CDYL2: variants seen among roughly 807,000 people sequenced by gnomAD.
CDYL2 encodes chromodomain Y like 2, also known as chromodomain Y-like protein 2.
Under a neutral mutation model 49.4 loss-of-function variants are expected in CDYL2, and 23 were observed. That is an observed-to-expected ratio of 0.47 (90% CI 0.34 to 0.66). The LOEUF is 0.66. Ranked by LOEUF, CDYL2 falls within the 30% of genes least tolerant of loss-of-function variation. The probability of loss-of-function intolerance (pLI) is 0.01; values close to 1 mark genes in which losing one functional copy is unlikely to be tolerated. For synonymous variants in CDYL2, 360 were observed against 268.8 expected (o/e 1.34, Z -3.32); for missense variants, 678 against 656.4 (o/e 1.03, Z -0.36).
intron 1 of CDYL2, among the ~76,000 whole-genome samples, chr16:80,692,398 C>A (rs1219570463): frequency 6.6e-6 from 1 of 152,118 alleles, no homozygotes; most frequent in East Asian, 1.9e-4. Context: ...CCAAGTGGTC[C>A]TTCAGATGAG....
chr16:80,684,238 G>A (rs1261948981), intron 2 of CDYL2, among the ~76,000 whole-genome samples: 2 of 152,202 alleles, frequency 1.3e-5, no homozygotes, highest in African/African-American at 4.8e-5. Flanking sequence ...AGGGAAGTGG[G>A]TCTAGAGGGG....
At chr16:80,802,257 C>T (rs138159171) in intron 1 of CDYL2, among the ~76,000 whole-genome samples, 1 of 152,176 alleles carries the variant, frequency 6.6e-6, no homozygotes, top group Admixed American at 6.5e-5. Flanking sequence ...CCTCTTAACA[C>T]CTTCAAGACA....
At chr16:80,657,610 G>A (rs1908865134) in intron 2 of CDYL2, among the ~76,000 whole-genome samples, 3 of 152,032 alleles carry the variant, frequency 2.0e-5, no homozygotes, top group African/African-American at 4.8e-5. Flanking sequence ...CATTTCTCAT[G>A]CATCTTATGC....
At chr16:80,798,197 T>C (rs1181883250) in intron 1 of CDYL2, among the ~76,000 whole-genome samples, 1 of 152,158 alleles carries the variant, frequency 6.6e-6, no homozygotes, top group Non-Finnish European at 1.5e-5. Context: ...CATACCATCA[T>C]GCCCAATAAT....
intron 1 of CDYL2, among the ~76,000 whole-genome samples, chr16:80,777,050 A>G (rs373269542): frequency 1.3e-5 from 2 of 151,960 alleles, no homozygotes; most frequent in South Asian, 2.1e-4. Flanking sequence ...TCGACCTCCT[A>G]AGCTCAGGCA....
intron 1 of CDYL2, among the ~76,000 whole-genome samples, chr16:80,748,561 CTAT>C (rs1906019971): frequency 7.8e-6 from 1 of 127,976 alleles, no homozygotes. Flanking sequence ...TGATGTAGAG[CTAT>C]TCACTCAACA....
At chr16:80,766,948 A>G (rs892933872) in intron 1 of CDYL2, among the ~76,000 whole-genome samples, 1 of 152,200 alleles carries the variant, frequency 6.6e-6, no homozygotes, top group Admixed American at 6.5e-5. Flanking sequence ...CCTAAGAAAC[A>G]GGTACTATTA....
chr16:80,678,192 T>G (rs988239727), intron 2 of CDYL2, among the ~76,000 whole-genome samples: 1 of 152,218 alleles, frequency 6.6e-6, no homozygotes, highest in Non-Finnish European at 1.5e-5. Flanking sequence ...ATTCAGGACA[T>G]AGGCACGGGC....
At chr16:80,765,394 T>C (rs977062599) in intron 1 of CDYL2, among the ~76,000 whole-genome samples, 1 of 151,748 alleles carries the variant, frequency 6.6e-6, no homozygotes, top group Non-Finnish European at 1.5e-5. Context: ...AGAAGTTACA[T>C]ATTTTCAGCA....
chr16:80,719,377 C>T (rs556308981), intron 1 of CDYL2, among the ~76,000 whole-genome samples: 1 of 152,306 alleles, frequency 6.6e-6, no homozygotes, highest in Non-Finnish European at 1.5e-5. Flanking sequence ...GAATGACCCA[C>T]AAGTTGCTGT....
At chr16:80,693,311 A>G (rs762599612) in intron 1 of CDYL2, among the ~76,000 whole-genome samples, 19 of 152,234 alleles carry the variant, frequency 1.2e-4, no homozygotes, top group Non-Finnish European at 2.4e-4. Context: ...TGGAAGACAC[A>G]CACAAAACAC....
rs1597116249 is a variant in CDYL2 at position 80,603,048 on chromosome 16, C to G, written c.*1340G>C. On this transcript the variant is annotated 3_prime_UTR_variant, in exon 7 of 7. Coordinates refer to ENST00000570137, the MANE Select transcript of CDYL2 (RefSeq NM_152342.4). ...CCCAGGGGCACAGGGGCAAGGAGATCTCATTCCTGGTCATTGCTCCCTATG... is the reference window on the plus strand; with the variant it reads ...CCCAGGGGCACAGGGGCAAGGAGATGTCATTCCTGGTCATTGCTCCCTATG... 1 of 152,180 alleles carries G rather than the reference C, an allele frequency of 6.6e-6. No individual in the cohort carries two copies. Among genetic ancestry groups the G allele is most frequent in the East Asian group, 1.9e-4 (1 of 5,198 alleles). The allele number at this position is 152,180 out of a possible 1,614,324, so 9.4% of individuals were successfully genotyped here.
chr16:80,804,279 G>A lies in CDYL2; in HGVS notation c.-106C>T. ...TGCGCGTGTGTGTGCGCGCGTGTGT[G>A]TGCGAGTGTGTGTGGTGTGTTGAGT... On this transcript the variant is annotated 5_prime_UTR_variant, in exon 1 of 7. Transcript: ENST00000570137. 2.9e-6 allele frequency: 3 copies of A among 1,026,282 alleles called. No individual in the cohort carries two copies. The highest frequency in any genetic ancestry group is 1.9e-5 in the South Asian group (1 of 52,304). The allele number at this position is 1,026,282 out of a possible 1,614,324, so 63.6% of individuals were successfully genotyped here. A position where few individuals can be genotyped will look rare whatever the true frequency, so the allele number is the denominator to read the frequency against.
chr16:80,683,540 G>C (rs1184059289), intron 2 of CDYL2, among the ~76,000 whole-genome samples: 1 of 151,200 alleles, frequency 6.6e-6, no homozygotes, highest in African/African-American at 2.4e-5. Flanking sequence ...TGCAGGCTGT[G>C]TTAGAGTAAG....
intron 1 of CDYL2, among the ~76,000 whole-genome samples, chr16:80,797,168 A>G (rs1340982152): frequency 6.6e-6 from 1 of 152,114 alleles, no homozygotes; most frequent in Non-Finnish European, 1.5e-5. Flanking sequence ...CCCTATCGCC[A>G]TGTCAAATAG....
At chr16:80,759,343 G>T (rs893575902) in intron 1 of CDYL2, among the ~76,000 whole-genome samples, 4 of 151,692 alleles carry the variant, frequency 2.6e-5, no homozygotes, top group African/African-American at 7.3e-5. Context: ...TTGAAAAAAG[G>T]TTAATGTTTT....
chr16:80,698,222 G>C (rs540324554), intron 1 of CDYL2, among the ~76,000 whole-genome samples: 1 of 152,038 alleles, frequency 6.6e-6, no homozygotes, highest in Non-Finnish European at 1.5e-5. Flanking sequence ...CTAAGACCTC[G>C]AAAGCACAGG....
intron 1 of CDYL2, among the ~76,000 whole-genome samples, chr16:80,706,789 A>G (rs374631321): frequency 1.6e-3 from 250 of 152,332 alleles, no homozygotes; most frequent in African/African-American, 5.8e-3. Flanking sequence ...TCTACAAGGC[A>G]AGAGTACACA....
Position 80,598,583 on chromosome 16 carries a change from T to C in CDYL2, c.*5805A>G, listed in dbSNP as rs1905940380. 6.6e-6 allele frequency: 1 copy of C among 151,950 alleles called. No individual in the cohort carries two copies. Among genetic ancestry groups the C allele is most frequent in the African/African-American group, 2.4e-5 (1 of 41,330 alleles). 9.4% of individuals were successfully genotyped at this position (151,950 alleles called of 1,614,324 possible). A position where few individuals can be genotyped will look rare whatever the true frequency, so the allele number is the denominator to read the frequency against. ...GTTCAGTATAGACATGTCTGAAAAA[T>C]TCTTACCCTGGAGGTTCATATTCAG... On this transcript the variant is annotated 3_prime_UTR_variant, in exon 7 of 7. Coordinates refer to ENST00000570137, the MANE Select transcript of CDYL2 (RefSeq NM_152342.4).
Sources: allele counts gnomAD v4.1 joint callset (sites outside exome capture counted in the v4.1 genomes callset), GRCh38; gene constraint gnomAD v4.1.1; transcripts MANE v1.5; gene names NCBI Gene and HGNC (gene_info 2026-07-23, HGNC 2026-07-21).